The following CLGN variants were observed in gnomAD, a reference collection of about 807,000 sequenced individuals.
CLGN encodes calmegin, also known as testis tissue sperm-binding protein Li 79P.
Under a neutral mutation model 79.1 loss-of-function variants are expected in CLGN, and 62 were observed. The observed-to-expected ratio is 0.78, with a 90% CI of 0.64 to 0.97. The LOEUF (loss-of-function observed/expected upper bound fraction) is 0.97, where lower values mean the gene tolerates loss of function less well. Among genes scored for constraint, CLGN ranks in the 50% least tolerant of loss-of-function variants. The probability of loss-of-function intolerance (pLI) is 0.00; values close to 1 mark genes in which losing one functional copy is unlikely to be tolerated. For synonymous variants in CLGN, 225 were observed against 224.7 expected, an observed-to-expected ratio of 1.00 and a Z score of -0.01; for missense variants, 647 against 715.5, an observed-to-expected ratio of 0.90 and a Z score of 1.09.
rs1278422456 is a variant in CLGN, at chr4:140,392,339, A to C, written c.1531T>G (p.Cys511Gly). 1 of 1,609,738 alleles carries C rather than the reference A, an allele frequency of 6.2e-7. No homozygotes were observed. Among genetic ancestry groups the C allele is most frequent in the African/African-American group, 1.3e-5 (1 of 74,430 alleles). The change falls in exon 13 of 15, where the codon TGT (cysteine) becomes GGT (glycine). Residue 511 changes from cysteine to glycine, a missense_variant. Cys to Gly is a radical substitution (Grantham distance 159, BLOSUM62 -3). Transcript: ENST00000325617. ...AGTACTCCTTTTGTTTGTGGTATAC[A>C]TATGTCGGTTTTTTTATACTCTGTA... Reference protein sequence around the residue: ...KDTEYKKTDICIPQTKGVLEQ... With the variant: ...KDTEYKKTDIGIPQTKGVLEQ...
In CLGN at chr4:140,392,630, G is replaced by A. The variant is rs1728796352; in HGVS notation, c.1447C>T (p.Pro483Ser). 6.2e-7 allele frequency: 1 copy of A among 1,610,038 alleles called. No homozygotes were observed. The highest frequency in any genetic ancestry group is 8.5e-7 in the Non-Finnish European group (1 of 1,178,468). Residue 483 changes from proline (P) to serine (S), a missense_variant, in exon 12 of 15, where the codon CCA becomes TCA. By Grantham distance (74) the Pro-to-Ser change is moderately conservative. Transcript: ENST00000325617. Reference protein sequence around the residue: ...WLIYLVTAGVPIALITSFCWP... With the variant: ...WLIYLVTAGVSIALITSFCWP... ...CAAAATGAAGTAATTAATGCTATTG[G>A]CACTCCTGCTGTCACAAGATAAATC... is the stretch of plus-strand genomic sequence containing the variant.
intron 11 of CLGN, 95 bp downstream of exon 11, chr4:140,393,731 A>G: frequency 9.9e-7 from 1 of 1,005,700 alleles, no homozygotes. Context: ...CTGCACATTT[A>G]TTTGCATTTA....
At chr4:140,389,595 T>G (rs1728736472) in intron 14 of CLGN, among the ~76,000 whole-genome samples, 1 of 151,882 alleles carries the variant, frequency 6.6e-6, no homozygotes, top group East Asian at 1.9e-4. Flanking sequence ...AGAATACATA[T>G]TCAAGTAAAT....
chr4:140,396,045 A>G (rs777080575), intron 9 of CLGN, 47 bp downstream of exon 9: 4 of 1,609,576 alleles, frequency 2.5e-6, no homozygotes, highest in Non-Finnish European at 3.4e-6. Context: ...ACAAAAATGC[A>G]TGTAAGAAAC....
chr4:140,413,446 G>T (rs1163017962), intron 1 of CLGN, among the ~76,000 whole-genome samples: 4 of 152,188 alleles, frequency 2.6e-5, no homozygotes. Context: ...CTGAGGTACT[G>T]GGTTCATCTC....
At chr4:140,409,668 C>T (rs568094427) in intron 4 of CLGN, among the ~76,000 whole-genome samples, 169 bp downstream of exon 4, 3 of 151,722 alleles carry the variant, frequency 2.0e-5, no homozygotes, top group Non-Finnish European at 4.4e-5. Flanking sequence ...TCAGAAATAG[C>T]GAAGGGTTTT....
At chr4:140,404,057 A>G (rs358298) in intron 5 of CLGN, among the ~76,000 whole-genome samples, 10,349 of 151,938 alleles carry the variant, frequency 0.068, 457 homozygotes, top group African/African-American at 0.12. Context: ...ATGAGCTAAC[A>G]TACTTCCTTT....
intron 1 of CLGN, among the ~76,000 whole-genome samples, chr4:140,421,619 A>G (rs1729471906): frequency 6.6e-6 from 1 of 152,084 alleles, no homozygotes; most frequent in Admixed American, 6.6e-5. Context: ...AAACATGTCT[A>G]TTCAAGTCCT....
At position 140,427,640 on chromosome 4, in the gene CLGN, G is replaced by C. The variant is rs1484787107; in HGVS notation, c.-113C>G. 6.5e-6 allele frequency: 1 copy of C among 152,696 alleles called. No homozygotes were observed. Among genetic ancestry groups the C allele is most frequent in the Non-Finnish European group, 1.5e-5 (1 of 68,462 alleles). The allele number at this position is 152,696 out of a possible 1,614,324, so 9.5% of individuals were successfully genotyped here. A position where few individuals can be genotyped will look rare whatever the true frequency, so the allele number is the denominator to read the frequency against. On this transcript the variant is annotated 5_prime_UTR_variant, in exon 1 of 15. Coordinates refer to ENST00000325617, the MANE Select transcript of CLGN (RefSeq NM_004362.3). Reference sequence around the variant, plus strand: ...CAGTCCCGCCGGCGGCCGCGCAGCAGCGACTACTAACCGCGCGTGCGCGTG... The same window carrying C: ...CAGTCCCGCCGGCGGCCGCGCAGCACCGACTACTAACCGCGCGTGCGCGTG...
intron 2 of CLGN, among the ~76,000 whole-genome samples, chr4:140,411,747 C>A (rs532909699): frequency 6.6e-6 from 1 of 152,222 alleles, no homozygotes; most frequent in South Asian, 2.1e-4. Context: ...AACTGCCAAT[C>A]TTCTATGAAG....
At chr4:140,416,869 A>G (rs1434077934) in intron 1 of CLGN, among the ~76,000 whole-genome samples, 3 of 150,722 alleles carry the variant, frequency 2.0e-5, no homozygotes, top group Non-Finnish European at 4.5e-5. Flanking sequence ...CATCATTCTG[A>G]TACCAAAGCC....
intron 4 of CLGN, 90 bp from the exon 5 acceptor site, chr4:140,406,173 C>A: frequency 7.7e-7 from 1 of 1,292,722 alleles, no homozygotes; most frequent in Non-Finnish European, 1.1e-6. Context: ...AATTTTTATC[C>A]AGGAAGCCTG....
At position 140,392,705 on chromosome 4, in the gene CLGN, C is replaced by T. The variant is rs769068873; in HGVS notation, c.1372G>A (p.Val458Ile). 6 of 1,595,070 alleles carry T rather than the reference C, an allele frequency of 3.8e-6. No homozygotes were observed. The highest frequency in any genetic ancestry group is 5.1e-6 in the Non-Finnish European group (6 of 1,173,978). Residue 458 changes from valine to isoleucine, a missense_variant, in exon 12 of 15, where the codon GTA becomes ATA. By Grantham distance (29) the Val-to-Ile change is conservative (BLOSUM62 3). Transcript: ENST00000325617. ...IMIANANKPG[V>I]LKQLMAAAEG... ...GCAGCTGCCATTAACTGTTTTAATA[C>T]ACCAGGCTATAGACGAGATAAGCAT...
At chr4:140,403,972 G>A (rs1363254266) in intron 5 of CLGN, among the ~76,000 whole-genome samples, 1 of 152,176 alleles carries the variant, frequency 6.6e-6, no homozygotes, top group African/African-American at 2.4e-5. Context: ...ATAAACTTAT[G>A]TGATCAAATG....
At chr4:140,395,683 G>T (rs1728859653) in intron 10 of CLGN, 136 bp downstream of exon 10, 1 of 580,686 alleles carries the variant, frequency 1.7e-6, no homozygotes, top group Non-Finnish European at 2.7e-6. Context: ...ATATAAATTA[G>T]TTGAGGTCTA....
At chr4:140,406,122 A>G (rs1352138854) in intron 4 of CLGN, 39 bp from the exon 5 acceptor site, 1 of 1,583,294 alleles carries the variant, frequency 6.3e-7, no homozygotes, top group Non-Finnish European at 8.6e-7. Context: ...TAAAACAGAA[A>G]ACATTGACCT....
intron 5 of CLGN, among the ~76,000 whole-genome samples, chr4:140,404,519 T>C (rs1467375738): frequency 1.3e-5 from 2 of 152,238 alleles, no homozygotes; most frequent in East Asian, 3.8e-4. Context: ...ATTTATAGCA[T>C]TGAATATAAA....
chr4:140,390,719 C>T lies in CLGN; in HGVS notation c.1661G>A (p.Ser554Asn). 3.8e-6 allele frequency: 6 copies of T among 1,598,810 alleles called. No homozygotes were observed. Among genetic ancestry groups the T allele is most frequent in the Non-Finnish European group, 5.1e-6 (6 of 1,171,122 alleles). ...TTCTTCACTCTTTTCCTCAGGTTCACTTTCCTCTTCTAGAATACAGATTTT... is the reference window on the plus strand; with the variant it reads ...TTCTTCACTCTTTTCCTCAGGTTCATTTTCCTCTTCTAGAATACAGATTTT... ...DGEMLEKEEESEPEEKSEEEI... is the reference protein window; with the variant it reads ...DGEMLEKEEENEPEEKSEEEI... The change falls in exon 14 of 15, where the codon AGT (serine) becomes AAT (asparagine). Residue 554 changes from serine (S) to asparagine (N), a missense_variant. By Grantham distance (46) the Ser-to-Asn change is conservative. Transcript: ENST00000325617.
chr4:140,407,752 A>C (rs763889564), intron 4 of CLGN, among the ~76,000 whole-genome samples: 2 of 152,148 alleles, frequency 1.3e-5, no homozygotes, highest in Admixed American at 1.3e-4. Flanking sequence ...GAAAATGATC[A>C]TAGCGCCCAA....
Sources: allele counts gnomAD v4.1 joint callset (sites outside exome capture counted in the v4.1 genomes callset), GRCh38; gene constraint gnomAD v4.1.1; transcripts MANE v1.5; gene names NCBI Gene and HGNC (gene_info 2026-07-23, HGNC 2026-07-21).